The following SGCD variants were observed in gnomAD, a reference collection of about 807,000 sequenced individuals.
The protein encoded by SGCD is sarcoglycan delta.
In SGCD, 18 loss-of-function variants were observed where a neutral mutation model predicts 36.6. That is an observed-to-expected ratio of 0.49 (90% CI 0.34 to 0.73). The LOEUF is 0.73. Among genes scored for constraint, SGCD ranks in the 30% least tolerant of loss-of-function variants. The pLI is 0.01. For missense variants in SGCD, 387 were observed against 346.7 expected, an observed-to-expected ratio of 1.12 and a Z score of -0.92; for synonymous variants, 133 against 130.6, an observed-to-expected ratio of 1.02 and a Z score of -0.12.
At chr5:155,758,743 C>T in the SGCD span, among the ~76,000 whole-genome samples, 1 of 152,184 alleles carries the variant, frequency 6.6e-6, no homozygotes, top group Non-Finnish European at 1.5e-5. Flanking sequence ...ATCACCACCC[C>T]GACCCAGCCC....
chr5:156,685,077 C>T (rs80000754), intron 7 of SGCD, among the ~76,000 whole-genome samples: 3 of 151,998 alleles, frequency 2.0e-5, no homozygotes, highest in East Asian at 1.9e-4. Context: ...GGGAAAGAAA[C>T]GTTTCTCAAA....
At chr5:156,718,341 T>G (rs1449202987) in intron 7 of SGCD, among the ~76,000 whole-genome samples, 1 of 152,316 alleles carries the variant, frequency 6.6e-6, no homozygotes, top group East Asian at 1.9e-4. Flanking sequence ...GTATGAATGT[T>G]TCCCTAATTC....
rs910478004 is a variant in SGCD at position 156,160,343 on chromosome 5, C to T, written c.-44+36324C>T. On this transcript the variant is annotated intron_variant, in intron 3 of 9. Coordinates refer to the SGCD transcript ENST00000517913. ...TGAAATTCTTAAATAATTGGTCTTC[C>T]GAGTTTTTCTATTAAAAAAGCTTCA... Among the ~76,000 whole-genome samples, 41 of 151,578 alleles carry T rather than the reference C, an allele frequency of 2.7e-4. 1 individual carries two copies. The highest frequency in any genetic ancestry group is 1.2e-3 in the Admixed American group (19 of 15,262).
At chr5:156,311,405 A>T (rs116356591) in intron 3 of SGCD, among the ~76,000 whole-genome samples, 6,883 of 152,196 alleles carry the variant, frequency 0.045, 319 homozygotes, top group African/African-American at 0.11. Context: ...AATATCCTTA[A>T]TTTTTTCTAT....
At chr5:155,798,115 A>AT in the SGCD span, among the ~76,000 whole-genome samples, 3 of 152,116 alleles carry the variant, frequency 2.0e-5, no homozygotes, top group Non-Finnish European at 4.4e-5. Context: ...GTTCTAAGTC[A>AT]TTTTTTCCTG....
intron 3 of SGCD, among the ~76,000 whole-genome samples, chr5:156,404,838 G>T (rs1426035468): frequency 2.0e-5 from 3 of 152,158 alleles, no homozygotes; most frequent in African/African-American, 7.2e-5. Flanking sequence ...AGATATCTAA[G>T]ATGGCGGTCA....
the SGCD span, among the ~76,000 whole-genome samples, chr5:155,865,292 G>A: frequency 1.3e-5 from 2 of 151,934 alleles, no homozygotes; most frequent in East Asian, 1.9e-4. Flanking sequence ...TGTGGAAAGA[G>A]CAGCATTGTT....
chr5:156,631,846 C>G (rs974485762), intron 6 of SGCD, among the ~76,000 whole-genome samples: 2 of 152,052 alleles, frequency 1.3e-5, no homozygotes, highest in Non-Finnish European at 2.9e-5. Context: ...TTTGTGAGCT[C>G]TAGGGAACAG....
At chr5:156,654,794 A>G (rs1328297659) in intron 7 of SGCD, among the ~76,000 whole-genome samples, 4 of 152,172 alleles carry the variant, frequency 2.6e-5, no homozygotes, top group Non-Finnish European at 4.4e-5. Flanking sequence ...TAAAATTTAT[A>G]CAGATAATTC....
intron 3 of SGCD, among the ~76,000 whole-genome samples, chr5:156,359,864 T>A (rs1432718359): frequency 6.6e-6 from 1 of 152,236 alleles, no homozygotes. Flanking sequence ...TTGATTCTTT[T>A]CTGTCATATT....
chr5:156,695,949 T>C (rs1245226294), intron 7 of SGCD, among the ~76,000 whole-genome samples: 1 of 152,228 alleles, frequency 6.6e-6, no homozygotes, highest in East Asian at 1.9e-4. Context: ...TGGTTTTAAG[T>C]ATCAGTACCT....
At chr5:156,218,068 G>C (rs1292724442) in intron 3 of SGCD, among the ~76,000 whole-genome samples, 1 of 152,078 alleles carries the variant, frequency 6.6e-6, no homozygotes, top group Non-Finnish European at 1.5e-5. Context: ...GAGGTCAGGA[G>C]TTTGAGACCA....
At chr5:156,499,349 G>T (rs1027749058) in intron 3 of SGCD, among the ~76,000 whole-genome samples, 5 of 152,196 alleles carry the variant, frequency 3.3e-5, no homozygotes. Flanking sequence ...CTTGCAATTA[G>T]ATATTTAGGT....
chr5:156,639,153 T>C (rs1232053462), intron 6 of SGCD, among the ~76,000 whole-genome samples: 3 of 151,926 alleles, frequency 2.0e-5, no homozygotes, highest in Non-Finnish European at 4.4e-5. Flanking sequence ...TATGTGTATA[T>C]GTGTATGTGT....
intron 7 of SGCD, among the ~76,000 whole-genome samples, chr5:156,694,729 C>T (rs1048698023): frequency 6.6e-5 from 10 of 152,086 alleles, no homozygotes; most frequent in South Asian, 2.1e-4. Context: ...CTCCCCACTG[C>T]GACATAATTG....
chr5:156,613,543 C>G (rs970893405), intron 6 of SGCD, among the ~76,000 whole-genome samples: 1 of 152,222 alleles, frequency 6.6e-6, no homozygotes, highest in African/African-American at 2.4e-5. Context: ...TGACTTTCCA[C>G]TATTCCCCCA....
At chr5:156,228,615 G>A (rs958798320) in intron 3 of SGCD, among the ~76,000 whole-genome samples, 2 of 152,146 alleles carry the variant, frequency 1.3e-5, no homozygotes. Flanking sequence ...CTTTTAAGTA[G>A]AATATTTAGG....
intron 7 of SGCD, among the ~76,000 whole-genome samples, chr5:156,724,543 C>T (rs1581471056): frequency 6.6e-6 from 1 of 151,780 alleles, no homozygotes; most frequent in Non-Finnish European, 1.5e-5. Flanking sequence ...GGAGGTGGAG[C>T]TTGCAGTGAG....
intron 5 of SGCD, among the ~76,000 whole-genome samples, chr5:156,590,880 C>G (rs898900971): frequency 5.9e-5 from 9 of 151,298 alleles, no homozygotes; most frequent in Non-Finnish European, 1.5e-5. Context: ...CTTCTCTCTT[C>G]TCGTCTCTCT....
Sources: allele counts gnomAD v4.1 joint callset (sites outside exome capture counted in the v4.1 genomes callset), GRCh38; gene constraint gnomAD v4.1.1; transcripts MANE v1.5; gene names NCBI Gene and HGNC (gene_info 2026-07-23, HGNC 2026-07-21).